Variants in SATL1 observed in about 807,000 individuals in gnomAD.
The protein encoded by SATL1 is spermidine/spermine N(1)-acetyltransferase-like protein 1.
A neutral mutation model predicts 51.8 loss-of-function variants in SATL1; 47 were observed. The ratio of observed to expected loss-of-function variants is 0.91; its 90% CI spans 0.72 to 1.16. The LOEUF (loss-of-function observed/expected upper bound fraction) is 1.16. SATL1 is among the 50% of genes most tolerant of loss of function. The pLI, the probability that SATL1 is intolerant of heterozygous loss-of-function variation, is 0.00. For missense variants in SATL1, 520 were observed against 526.4 expected (o/e 0.99, Z 0.12); for synonymous variants, 176 against 182.4 (o/e 0.97, Z 0.28).
chrX:85,224,738 T>A (rs1252236359), intron 1 of SATL1, among the ~76,000 whole-genome samples: 3 of 93,855 alleles, frequency 3.2e-5, no homozygotes, highest in Non-Finnish European at 2.1e-5. Flanking sequence ...CCTTCCACTA[T>A]ATTCAGCAAT....
At chrX:85,133,229 C>T (rs776096349) in intron 2 of SATL1, among the ~76,000 whole-genome samples, 1 of 112,477 alleles carries the variant, frequency 8.9e-6, no homozygotes, top group Non-Finnish European at 1.9e-5. Context: ...GAAGTTTCTG[C>T]TGCCTTTTGT....
At chrX:85,159,134 A>G (rs1926657775) in intron 2 of SATL1, among the ~76,000 whole-genome samples, 2 of 111,902 alleles carry the variant, frequency 1.8e-5, no homozygotes, top group Admixed American at 9.5e-5. Context: ...TAATTTCAAT[A>G]TGTAATATCA....
At chrX:85,170,129 G>A (rs1380681881) in intron 2 of SATL1, among the ~76,000 whole-genome samples, 1 of 110,973 alleles carries the variant, frequency 9.0e-6, no homozygotes, top group Non-Finnish European at 1.9e-5. Flanking sequence ...CTACTTAAGA[G>A]TGGAGGTTGG....
At chrX:85,207,961 G>A in intron 2 of SATL1, 1 of 111,266 alleles carries the variant, frequency 9.0e-6, no homozygotes, top group East Asian at 2.8e-4. Context: ...GTGCAGGTTT[G>A]ATACATAGGT....
intron 2 of SATL1, among the ~76,000 whole-genome samples, chrX:85,155,036 T>C (rs1602875604): frequency 9.0e-6 from 1 of 111,526 alleles, no homozygotes; most frequent in Non-Finnish European, 1.9e-5. Flanking sequence ...TATTTGTCTC[T>C]GGGAGGAATG....
At chrX:85,235,799 C>T (rs771402867) in intron 1 of SATL1, among the ~76,000 whole-genome samples, 1 of 110,313 alleles carries the variant, frequency 9.1e-6, no homozygotes, top group African/African-American at 3.3e-5. Context: ...AAAAACAAAC[C>T]AAACCTGAAA....
At chrX:85,146,761 C>A (rs1248162483) in intron 2 of SATL1, among the ~76,000 whole-genome samples, 1 of 112,732 alleles carries the variant, frequency 8.9e-6, no homozygotes, top group Non-Finnish European at 1.9e-5. Flanking sequence ...CAATTCTTGC[C>A]AGTAGTCACT....
At chrX:85,197,014 A>C (rs1362740568) in intron 2 of SATL1, among the ~76,000 whole-genome samples, 1 of 111,680 alleles carries the variant, frequency 9.0e-6, no homozygotes, top group African/African-American at 3.3e-5. Context: ...AAACTTTAAA[A>C]TTTTGTGTTC....
chrX:85,127,148 A>T (rs1022984522), intron 2 of SATL1, among the ~76,000 whole-genome samples: 1 of 110,988 alleles, frequency 9.0e-6, no homozygotes, highest in Admixed American at 9.7e-5. Flanking sequence ...TATAGTCAAA[A>T]GACTTGAATA....
chrX:85,119,293 A>G (rs1864446733), intron 2 of SATL1, among the ~76,000 whole-genome samples: 2 of 111,431 alleles, frequency 1.8e-5, no homozygotes, highest in South Asian at 3.8e-4. Flanking sequence ...CCGCAAATAC[A>G]AGACTGGTGT....
At chrX:85,141,034 T>A (rs185236720) in intron 2 of SATL1, among the ~76,000 whole-genome samples, 1 of 111,806 alleles carries the variant, frequency 8.9e-6, no homozygotes, top group African/African-American at 3.2e-5. Context: ...GAACCTCCAG[T>A]TTATTGGGAT....
chrX:85,184,620 AT>A (rs774955900), intron 2 of SATL1, among the ~76,000 whole-genome samples: 24 of 111,977 alleles, frequency 2.1e-4, no homozygotes, highest in African/African-American at 2.9e-4. Context: ...ACTCTGATGC[AT>A]TCTTCAGTGT....
chrX:85,149,374 T>C (rs1201539601), intron 2 of SATL1, among the ~76,000 whole-genome samples: 1 of 111,439 alleles, frequency 9.0e-6, no homozygotes, highest in Non-Finnish European at 1.9e-5. Flanking sequence ...TGGGAGACTT[T>C]AACACCCCAC....
intron 2 of SATL1, among the ~76,000 whole-genome samples, chrX:85,145,952 A>G (rs1006456861): frequency 3.5e-4 from 37 of 104,774 alleles, no homozygotes; most frequent in Admixed American, 3.2e-3. Context: ...GCTGGAGTGC[A>G]GTGGCACGAT....
At chrX:85,209,867 G>A (rs930577433) in intron 2 of SATL1, 1 of 109,431 alleles carries the variant, frequency 9.1e-6, no homozygotes, top group Admixed American at 9.9e-5. Context: ...ATTTCTTGCC[G>A]TGTGCTAGCT....
chrX:85,098,761 C>T lies in SATL1; in HGVS notation c.1694-3765G>A, dbSNP rs148723213. ...ATAGGAAAACACTTAGAGATATGAA[C>T]GAAAATGAAAACACAACAAACAAAA... On this transcript the variant is annotated intron_variant, in intron 4 of 7. Coordinates refer to ENST00000644105, the MANE Select transcript of SATL1 (RefSeq NM_001367857.2). Among the ~76,000 whole-genome samples the T allele has an allele frequency of 6.0e-3, 665 of 110,898 alleles. 4 individuals are homozygous for T. Among genetic ancestry groups the T allele is most frequent in the African/African-American group, 0.02 (626 of 30,594 alleles).
At chrX:85,159,938 C>T (rs1926679771) in intron 2 of SATL1, among the ~76,000 whole-genome samples, 1 of 111,735 alleles carries the variant, frequency 8.9e-6, no homozygotes, top group South Asian at 3.8e-4. Context: ...CATTGGCGTT[C>T]TGGGACCAGC....
intron 2 of SATL1, among the ~76,000 whole-genome samples, chrX:85,222,797 G>C (rs755114055): frequency 2.1e-3 from 236 of 111,844 alleles, no homozygotes; most frequent in African/African-American, 7.3e-3. Flanking sequence ...GTGACAAAAG[G>C]TAGTAGCAAA....
chrX:85,160,760 G>A (rs1455064019), intron 2 of SATL1, among the ~76,000 whole-genome samples: 1 of 111,306 alleles, frequency 9.0e-6, no homozygotes. Context: ...CATATTTCGG[G>A]TTGTCATACA....
Sources: gnomAD v4.1 joint callset for allele counts (sites outside exome capture counted in the v4.1 genomes callset) on GRCh38, gnomAD v4.1.1 for gene constraint, MANE v1.5 for transcripts, NCBI Gene and HGNC (gene_info 2026-07-23, HGNC 2026-07-21) for gene names.